The following CSMD1 variants were observed in gnomAD, a reference collection of about 807,000 sequenced individuals.
CSMD1 encodes the protein CUB and Sushi multiple domains 1.
A neutral mutation model predicts 417.5 loss-of-function variants in CSMD1; 213 were observed. The ratio of observed to expected loss-of-function variants is 0.51; its 90% CI spans 0.46 to 0.57. CSMD1 has a LOEUF of 0.57. Among genes scored for constraint, CSMD1 ranks in the 20% least tolerant of loss-of-function variants. The pLI, the probability that CSMD1 is intolerant of heterozygous loss-of-function variation, is 0.00. For synonymous variants in CSMD1, 2,862 were observed against 1,736.8 expected (o/e 1.65, Z -16.11); for missense variants, 6,923 against 4,529.7 (o/e 1.53, Z -15.17).
Position 3,790,751 on chromosome 8 carries a change from C to T in CSMD1, c.819-36709G>A, listed in dbSNP as rs182538083. Among the ~76,000 whole-genome samples the T allele has an allele frequency of 2.3e-3, 348 of 152,198 alleles. 6 individuals carry two copies. The highest frequency in any genetic ancestry group is 1.4e-3 in the Non-Finnish European group (98 of 68,008). On this transcript the variant is annotated intron_variant, in intron 5 of 69. Transcript: ENST00000635120. Reference sequence around the variant, plus strand: ...ACTTCTCCATTTCAAAGATAACGACCTTCAGAAATAACTGCTGAGTATAGT... The same window carrying T: ...ACTTCTCCATTTCAAAGATAACGACTTTCAGAAATAACTGCTGAGTATAGT...
In CSMD1 at chr8:3,141,923, G is replaced by T. The variant is rs556351716; in HGVS notation, c.6241+542C>A. ...CGCCACTCTCCTGCCTCAGCCTCCC[G>T]AGTAGCTGGGACTACAGGCGCCCGC... is the stretch of plus-strand genomic sequence containing the variant. On this transcript the variant is annotated intron_variant, in intron 41 of 69. Transcript: ENST00000635120. Among the ~76,000 whole-genome samples the T allele has an allele frequency of 4.6e-5, 7 of 151,340 alleles. 1 individual carries two copies. The highest frequency in any genetic ancestry group is 7.4e-5 in the Non-Finnish European group (5 of 67,812).
At chr8:3,008,672 G>A (rs1220635546) in intron 52 of CSMD1, among the ~76,000 whole-genome samples, 1 of 152,178 alleles carries the variant, frequency 6.6e-6, no homozygotes, top group African/African-American at 2.4e-5. Flanking sequence ...GTTCTACAAA[G>A]CTGTGTTTTA....
In CSMD1 at chr8:4,004,122, A is replaced by G. The variant is rs1449476559; in HGVS notation, c.611-6012T>C. Among the ~76,000 whole-genome samples, 6 of 152,148 alleles carry G rather than the reference A, an allele frequency of 3.9e-5. No individual in the cohort carries two copies. The South Asian group carries it at 6.2e-4, about 16-fold the overall frequency. Reference sequence around the variant, plus strand: ...TCTACGTTAAGCTGTATACATATGTATATTTCAAGTTAACTATAAAGACTA... The same window carrying G: ...TCTACGTTAAGCTGTATACATATGTGTATTTCAAGTTAACTATAAAGACTA... On this transcript the variant is annotated intron_variant, in intron 4 of 69. Transcript: ENST00000635120.
intron 2 of CSMD1, among the ~76,000 whole-genome samples, chr8:4,531,127 A>C (rs762927441): frequency 2.0e-5 from 3 of 152,184 alleles, no homozygotes; most frequent in Non-Finnish European, 4.4e-5. Flanking sequence ...ACAGATATGT[A>C]ACTTAACTGT....
intron 5 of CSMD1, among the ~76,000 whole-genome samples, chr8:3,885,385 C>T (rs1806492811): frequency 6.6e-6 from 1 of 152,104 alleles, no homozygotes; most frequent in African/African-American, 2.4e-5. Context: ...AAGCTTGAAG[C>T]TGCCAATGGA....
chr8:4,294,861 T>G (rs1002388745), intron 3 of CSMD1, among the ~76,000 whole-genome samples: 1 of 151,826 alleles, frequency 6.6e-6, no homozygotes, highest in Non-Finnish European at 1.5e-5. Context: ...TCCAGAAAAC[T>G]TTGTCTTTGC....
chr8:3,969,547 A>C (rs1187038889), intron 5 of CSMD1, among the ~76,000 whole-genome samples: 1 of 152,228 alleles, frequency 6.6e-6, no homozygotes, highest in Non-Finnish European at 1.5e-5. Flanking sequence ...AAATGAAAAT[A>C]AAATCCACAT....
intron 3 of CSMD1, among the ~76,000 whole-genome samples, chr8:4,334,933 G>C (rs984252530): frequency 3.3e-5 from 5 of 152,114 alleles, no homozygotes; most frequent in African/African-American, 1.2e-4. Flanking sequence ...CACAGATGCT[G>C]TATTTTTGCT....
intron 3 of CSMD1, among the ~76,000 whole-genome samples, chr8:4,147,149 C>A (rs1002462079): frequency 6.6e-6 from 1 of 151,996 alleles, no homozygotes; most frequent in African/African-American, 2.4e-5. Context: ...TCACATGATT[C>A]TTCTTCTACT....
At chr8:3,584,279 G>A (rs949543100) in intron 9 of CSMD1, among the ~76,000 whole-genome samples, 1 of 152,154 alleles carries the variant, frequency 6.6e-6, no homozygotes, top group African/African-American at 2.4e-5. Context: ...GAAAGGAAGA[G>A]GCAGAGTCTT....
chr8:4,323,135 T>C (rs1259720725), intron 3 of CSMD1, among the ~76,000 whole-genome samples: 2 of 152,228 alleles, frequency 1.3e-5, no homozygotes, highest in African/African-American at 4.8e-5. Flanking sequence ...GGTTCCAAAG[T>C]TGTTTCCTCA....
chr8:3,889,906 C>A (rs2627342), intron 5 of CSMD1, among the ~76,000 whole-genome samples: 1 of 151,928 alleles, frequency 6.6e-6, no homozygotes, highest in Non-Finnish European at 1.5e-5. Flanking sequence ...TTCTGAGTTG[C>A]GCATAATGCC....
Position 3,219,365 on chromosome 8 carries a change from T to C in CSMD1, c.4562A>G (p.Tyr1521Cys). 1 of 1,572,320 alleles carries C rather than the reference T, an allele frequency of 6.4e-7. No homozygotes were observed. ...EDSNSPLIGS[Y>C]QGSQAPERIE... ...TCTTTCTGGGGCCTGAGAGCCCTGG[T>C]AACTCCCAATGAGGGGGCTGTTGGA... Residue 1521 changes from tyrosine (Y) to cysteine (C), a missense_variant, in exon 29 of 70, where the codon TAC becomes TGC. Tyr to Cys is a radical substitution (Grantham distance 194). Coordinates refer to ENST00000635120, the MANE Select transcript of CSMD1 (RefSeq NM_033225.6).
At chr8:4,347,352 A>C (rs1003316821) in intron 3 of CSMD1, among the ~76,000 whole-genome samples, 2 of 152,176 alleles carry the variant, frequency 1.3e-5, no homozygotes, top group African/African-American at 4.8e-5. Context: ...ACATAATATA[A>C]TCGATACTCT....
intron 1 of CSMD1, among the ~76,000 whole-genome samples, chr8:4,742,416 C>T (rs1810681065): frequency 6.6e-6 from 1 of 152,086 alleles, no homozygotes; most frequent in African/African-American, 2.4e-5. Context: ...AAATGTCCTA[C>T]TCTGGTCATT....
At chr8:4,621,233 A>G (rs575216200) in intron 2 of CSMD1, among the ~76,000 whole-genome samples, 2 of 152,222 alleles carry the variant, frequency 1.3e-5, no homozygotes, top group Non-Finnish European at 2.9e-5. Flanking sequence ...AAATTCATTT[A>G]ATTTCATGTA....
intron 2 of CSMD1, among the ~76,000 whole-genome samples, chr8:4,474,629 C>A (rs1467716249): frequency 6.6e-6 from 1 of 152,072 alleles, no homozygotes; most frequent in Non-Finnish European, 1.5e-5. Flanking sequence ...TCCTGGGTGC[C>A]CTCAGGAATT....
At chr8:4,424,519 T>G (rs546291005) in intron 2 of CSMD1, among the ~76,000 whole-genome samples, 36 of 151,922 alleles carry the variant, frequency 2.4e-4, no homozygotes, top group Non-Finnish European at 5.0e-4. Flanking sequence ...CCAATCAGAA[T>G]AGCTGAAATA....
rs146370869 is a variant in CSMD1 at position 2,955,075 on chromosome 8, G to A, written c.9994+514C>T. Among the ~76,000 whole-genome samples the A allele has an allele frequency of 9.9e-5, 15 of 152,260 alleles. No homozygotes were observed. In the South Asian group the frequency reaches 2.7e-3, roughly 27 times the overall value. On this transcript the variant is annotated intron_variant, in intron 64 of 69. Transcript: ENST00000635120. The stretch of plus-strand genomic sequence containing the variant: ...CACACAAATTTGTAATTAATGGATC[G>A]TTTCCATGTGAATTGCTTTTGTAAT...
Sources: allele counts gnomAD v4.1 joint callset (sites outside exome capture counted in the v4.1 genomes callset), GRCh38; gene constraint gnomAD v4.1.1; transcripts MANE v1.5; gene names NCBI Gene and HGNC (gene_info 2026-07-23, HGNC 2026-07-21).